SPDL1: variants seen among roughly 807,000 people sequenced by gnomAD.
SPDL1 encodes the protein spindle apparatus coiled-coil protein 1.
SPDL1 carries 85 observed loss-of-function variants against 79.5 expected under a neutral mutation model. The observed-to-expected ratio is 1.07, with a 90% CI of 0.90 to 1.28. The LOEUF (loss-of-function observed/expected upper bound fraction) is 1.28, where lower values mean the gene tolerates loss of function less well. Among genes scored for constraint, SPDL1 ranks in the 50% most tolerant of loss-of-function variants. SPDL1 has a pLI of 0.00. For missense variants in SPDL1, 703 were observed against 697.8 expected (o/e 1.01, Z -0.08); for synonymous variants, 269 against 240.3 (o/e 1.12, Z -1.10).
intron 10 of SPDL1, among the ~76,000 whole-genome samples, chr5:169,600,197 T>C (rs1428028381): frequency 6.6e-6 from 1 of 152,198 alleles, no homozygotes; most frequent in Non-Finnish European, 1.5e-5. Flanking sequence ...TCAGTCTCTC[T>C]TCGTATTGTC....
intron 11 of SPDL1, 128 bp downstream of exon 11, chr5:169,601,753 C>T (rs748130932): frequency 1.4e-5 from 13 of 904,188 alleles, no homozygotes; most frequent in Non-Finnish European, 2.0e-5. Flanking sequence ...TCCTCAGTTT[C>T]ATCTACCTAC....
chr5:169,599,417 T>C (rs1755767748), intron 10 of SPDL1, among the ~76,000 whole-genome samples: 1 of 152,228 alleles, frequency 6.6e-6, no homozygotes, highest in South Asian at 2.1e-4. Context: ...AACTTGAGAT[T>C]TGAGACTTTC....
In SPDL1 at chr5:169,604,318, C is replaced by A; in HGVS notation, c.*111C>A. 9.0e-7 allele frequency: 1 copy of A among 1,108,962 alleles called. No individual in the cohort carries two copies. Among genetic ancestry groups the A allele is most frequent in the Non-Finnish European group, 1.2e-6 (1 of 820,438 alleles). The allele number at this position is 1,108,962 out of a possible 1,614,324, so 68.7% of individuals were successfully genotyped here. A position where few individuals can be genotyped will look rare whatever the true frequency, so the allele number is the denominator to read the frequency against. ...CTTCTGGGTTATTTACTCATTGTGC[C>A]AGGACCTGGCATTTTCATGTGCCTT... is the stretch of plus-strand genomic sequence containing the variant. On this transcript the variant is annotated 3_prime_UTR_variant, in exon 12 of 12. Coordinates refer to ENST00000265295, the MANE Select transcript of SPDL1 (RefSeq NM_017785.5).
chr5:169,597,515 A>G (rs971628530), intron 8 of SPDL1, among the ~76,000 whole-genome samples: 1 of 152,110 alleles, frequency 6.6e-6, no homozygotes, highest in African/African-American at 2.4e-5. Flanking sequence ...TTTCCTCACT[A>G]TACTTTTTAT....
At chr5:169,599,426 T>C (rs1183646814) in intron 10 of SPDL1, among the ~76,000 whole-genome samples, 1 of 152,244 alleles carries the variant, frequency 6.6e-6, no homozygotes. Flanking sequence ...TTTGAGACTT[T>C]CCCATTTTAA....
At chr5:169,603,107 G>A (rs113510852) in intron 11 of SPDL1, among the ~76,000 whole-genome samples, 5 of 19,038 alleles carry the variant, frequency 2.6e-4, no homozygotes, top group Non-Finnish European at 7.6e-4. Flanking sequence ...CAAAACATTT[G>A]TGTGTGTGTG....
chr5:169,602,016 C>T (rs973665311), intron 11 of SPDL1: 2 of 245,102 alleles, frequency 8.2e-6, no homozygotes, highest in African/African-American at 2.3e-5. Context: ...AAATTTCAGC[C>T]TTCTAGGAAA....
At chr5:169,599,244 C>T in intron 10 of SPDL1, 85 bp downstream of exon 10, 1 of 1,074,570 alleles carries the variant, frequency 9.3e-7, no homozygotes. Context: ...TAGTTTTATG[C>T]AACTCTATTA....
chr5:169,591,129 G>A lies in SPDL1; in HGVS notation c.241G>A (p.Glu81Lys). Residue 81 changes from glutamate to lysine, a missense_variant, in exon 3 of 12, where the codon GAA becomes AAA. Transcript: ENST00000265295. ...GTTAGAAAGTTTGAGCTGCGAATGT[G>A]AAGCTATTAAACAACAACAAAAAAT... is the stretch of plus-strand genomic sequence containing the variant. ...RMLESLSCEC[E>K]AIKQQQKMHL... is the part of the protein sequence containing the mutation. 1 of 1,614,060 alleles carries A rather than the reference G, an allele frequency of 6.2e-7. No individual in the cohort carries two copies. The highest frequency in any genetic ancestry group is 8.5e-7 in the Non-Finnish European group (1 of 1,179,960).
At position 169,604,342 on chromosome 5, in the gene SPDL1, T is replaced by G; in HGVS notation, c.*135T>G. The G allele has an allele frequency of 1.2e-6, 1 of 860,928 alleles. No individual in the cohort carries two copies. The highest frequency in any genetic ancestry group is 1.7e-6 in the Non-Finnish European group (1 of 602,028). The allele number at this position is 860,928 out of a possible 1,614,324, so 53.3% of individuals were successfully genotyped here. On this transcript the variant is annotated 3_prime_UTR_variant, in exon 12 of 12. Coordinates refer to ENST00000265295, the MANE Select transcript of SPDL1 (RefSeq NM_017785.5). ...CCAGGACCTGGCATTTTCATGTGCCTTTGACCAAGTGTTCAGAATTTGCTT... is the reference window on the plus strand; with the variant it reads ...CCAGGACCTGGCATTTTCATGTGCCGTTGACCAAGTGTTCAGAATTTGCTT...
rs997403022 is a variant in SPDL1 at position 169,604,428 on chromosome 5, T to A, written c.*221T>A. 25 of 309,904 alleles carry A rather than the reference T, an allele frequency of 8.1e-5. No homozygotes were observed. Among genetic ancestry groups the A allele is most frequent in the African/African-American group, 5.3e-4 (25 of 46,920 alleles). 19.2% of individuals were successfully genotyped at this position (309,904 alleles called of 1,614,324 possible). A position where few individuals can be genotyped will look rare whatever the true frequency, so the allele number is the denominator to read the frequency against. ...TTCATGGAGCTTCTATGACAGTGAA[T>A]AAACTATTAATTGAAGGAAAATGTT... On this transcript the variant is annotated 3_prime_UTR_variant, in exon 12 of 12. Coordinates refer to ENST00000265295, the MANE Select transcript of SPDL1 (RefSeq NM_017785.5).
At chr5:169,599,253 T>C in intron 10 of SPDL1, 94 bp downstream of exon 10, 1 of 1,048,164 alleles carries the variant, frequency 9.5e-7, no homozygotes, top group Non-Finnish European at 1.3e-6. Flanking sequence ...GCAACTCTAT[T>C]ACAAACTCAT....
At position 169,604,052 on chromosome 5, in the gene SPDL1, GC is replaced by G; in HGVS notation, c.1671-6del. 6.2e-7 allele frequency: 1 copy of G among 1,604,114 alleles called. No individual in the cohort carries two copies. Among genetic ancestry groups the G allele is most frequent in the Non-Finnish European group, 8.5e-7 (1 of 1,176,060 alleles). The stretch of plus-strand genomic sequence containing the variant: ...TTGAATTCAGAGTGGATGCTTTAAT[GC>G]CTGTAGGTTAGCTGCTGAATCAAAG... On this transcript the variant is annotated splice_region_variant and splice_polypyrimidine_tract_variant and intron_variant, in intron 11 of 11. Coordinates refer to ENST00000265295, the MANE Select transcript of SPDL1 (RefSeq NM_017785.5).
intron 1 of SPDL1, 60 bp from the exon 2 acceptor site, chr5:169,588,334 G>T: frequency 1.7e-6 from 2 of 1,165,972 alleles, no homozygotes; most frequent in South Asian, 1.6e-5. Flanking sequence ...TTCTGTTATT[G>T]ATATTATTGC....
At chr5:169,594,346 CT>C in intron 5 of SPDL1, 47 bp from the exon 6 acceptor site, 1 of 1,611,860 alleles carries the variant, frequency 6.2e-7, no homozygotes, top group Non-Finnish European at 8.5e-7. Context: ...AACTTATTTT[CT>C]TGCTAATGTA....
At chr5:169,596,468 A>G (rs12521871) in intron 7 of SPDL1, 93 bp from the exon 8 acceptor site, 2 of 1,125,170 alleles carry the variant, frequency 1.8e-6, no homozygotes, top group South Asian at 2.8e-5. Context: ...GTTCAAAGTA[A>G]TATAGTACAA....
At position 169,594,483 on chromosome 5, in the gene SPDL1, G is replaced by A. The variant is rs375013448; in HGVS notation, c.771G>A (p.Leu257=). 8.7e-6 allele frequency: 14 copies of A among 1,613,806 alleles called. No individual in the cohort carries two copies. In the African/African-American group the frequency reaches 1.7e-4, roughly 20 times the overall value. The change falls in exon 6 of 12, where the codon TTG becomes TTA. Residue 257 remains leucine (L), a synonymous_variant. Transcript: ENST00000265295. ...ATCCCAATAGTAAAGGCAACTCTTT[G>A]TTTGCAGAGGTACTTATAAGTATCC... The part of the protein sequence containing the change: ...ALDPNSKGNS[L]FAEVEDRRAA...
At chr5:169,598,810 T>G (rs1203469730) in intron 9 of SPDL1, among the ~76,000 whole-genome samples, 162 bp from the exon 10 acceptor site, 1 of 152,258 alleles carries the variant, frequency 6.6e-6, no homozygotes, top group East Asian at 1.9e-4. Flanking sequence ...AACACTACTA[T>G]TGTTAAGGAT....
At chr5:169,592,048 T>C (rs1755314378) in intron 3 of SPDL1, among the ~76,000 whole-genome samples, 1 of 152,196 alleles carries the variant, frequency 6.6e-6, no homozygotes, top group South Asian at 2.1e-4. Context: ...GCCTGACTTT[T>C]GTCCTCCTTT....
Sources: allele counts gnomAD v4.1 joint callset (sites outside exome capture counted in the v4.1 genomes callset), GRCh38; gene constraint gnomAD v4.1.1; transcripts MANE v1.5; gene names NCBI Gene and HGNC (gene_info 2026-07-23, HGNC 2026-07-21).